Variants in SLC24A3 observed in about 807,000 individuals in gnomAD.
SLC24A3 encodes the protein solute carrier family 24 member 3.
A neutral mutation model predicts 75.8 loss-of-function variants in SLC24A3; 28 were observed. The observed-to-expected ratio is 0.37, with a 90% CI of 0.27 to 0.51. The LOEUF (loss-of-function observed/expected upper bound fraction) is 0.51, where lower values mean the gene tolerates loss of function less well. SLC24A3 is among the 20% of genes least tolerant of loss of function. The pLI, the probability that SLC24A3 is intolerant of heterozygous loss-of-function variation, is 0.94. For missense variants in SLC24A3, 663 were observed against 847.8 expected, an observed-to-expected ratio of 0.78 and a Z score of 2.71; for synonymous variants, 372 against 334.1, an observed-to-expected ratio of 1.11 and a Z score of -1.24.
At chr20:19,481,373 C>T (rs1170263638) in intron 2 of SLC24A3, among the ~76,000 whole-genome samples, 1 of 152,152 alleles carries the variant, frequency 6.6e-6, no homozygotes, top group Non-Finnish European at 1.5e-5. Context: ...GAGGCCACAG[C>T]CACCATCTTA....
rs907572810 is a variant in SLC24A3, at chr20:19,512,119, G to A, written c.272-3369G>A. On this transcript the variant is annotated intron_variant, in intron 2 of 16. Transcript: ENST00000328041. ...GAGAATTTTCACACACTTCCTCATG[G>A]CCAGCTGTGACTGCTGACAAGAGGA... 4.6e-5 allele frequency among the ~76,000 whole-genome samples: 7 copies of A among 152,188 alleles called. No homozygotes were observed. In the South Asian group the frequency reaches 8.3e-4, roughly 18 times the overall value.
At chr20:19,286,813 C>T (rs765598146) in intron 2 of SLC24A3, among the ~76,000 whole-genome samples, 7 of 152,194 alleles carry the variant, frequency 4.6e-5, no homozygotes, top group Admixed American at 1.3e-4. Flanking sequence ...CAAATGTTTC[C>T]GAAATACTAG....
At chr20:19,379,907 A>G (rs1986152885) in intron 2 of SLC24A3, among the ~76,000 whole-genome samples, 1 of 152,210 alleles carries the variant, frequency 6.6e-6, no homozygotes, top group African/African-American at 2.4e-5. Flanking sequence ...TATGACCCAG[A>G]CATAGGCTGG....
chr20:19,382,043 G>GA (rs1474069888), intron 2 of SLC24A3, among the ~76,000 whole-genome samples: 1 of 152,160 alleles, frequency 6.6e-6, no homozygotes, highest in Non-Finnish European at 1.5e-5. Flanking sequence ...CTCTGCCACC[G>GA]GCATCCTTTC....
intron 2 of SLC24A3, among the ~76,000 whole-genome samples, chr20:19,441,607 C>T (rs1169491383): frequency 1.3e-5 from 2 of 152,174 alleles, no homozygotes; most frequent in Non-Finnish European, 2.9e-5. Flanking sequence ...CATCTACCCC[C>T]GTTTTCCCTG....
chr20:19,541,071 A>G (rs1019370527), intron 3 of SLC24A3, among the ~76,000 whole-genome samples: 10 of 152,208 alleles, frequency 6.6e-5, no homozygotes, highest in Non-Finnish European at 1.0e-4. Flanking sequence ...CCATACACAC[A>G]GCTCATGTGT....
chr20:19,677,859 C>G (rs892406492), intron 9 of SLC24A3, among the ~76,000 whole-genome samples: 2 of 151,898 alleles, frequency 1.3e-5, no homozygotes, highest in South Asian at 2.1e-4. Context: ...TGAGGCCTTC[C>G]GCAGTGTTTG....
chr20:19,276,118 G>A (rs921694135), intron 1 of SLC24A3, among the ~76,000 whole-genome samples: 3 of 152,126 alleles, frequency 2.0e-5, no homozygotes, highest in Non-Finnish European at 2.9e-5. Flanking sequence ...TAGCCAGTGT[G>A]GGCGCCTCTC....
chr20:19,227,286 C>A (rs765693534), intron 1 of SLC24A3, among the ~76,000 whole-genome samples: 4 of 152,018 alleles, frequency 2.6e-5, no homozygotes, highest in Admixed American at 2.6e-4. Context: ...TTGCTCATAT[C>A]CAGTCTTCAT....
intron 9 of SLC24A3, among the ~76,000 whole-genome samples, chr20:19,679,478 C>CAGAGGGAGACCGTGGAAAGAGACGG (rs2032581218): frequency 9.4e-6 from 1 of 106,094 alleles, no homozygotes; most frequent in Non-Finnish European, 2.1e-5. Context: ...GGCTCGGCAT[C>CAGAGGGAGACCGTGGAAAGAGACGG]AGAGGGAGAC....
chr20:19,423,457 C>T (rs1339328412), intron 2 of SLC24A3, among the ~76,000 whole-genome samples: 1 of 152,200 alleles, frequency 6.6e-6, no homozygotes, highest in Non-Finnish European at 1.5e-5. Flanking sequence ...AGGATGCTTT[C>T]CTTCCCAAAG....
In SLC24A3 at chr20:19,623,367, G is replaced by C. The variant is rs535228274; in HGVS notation, c.613-30695G>C. Among the ~76,000 whole-genome samples the C allele has an allele frequency of 3.3e-5, 5 of 152,334 alleles. No individual in the cohort carries two copies. The South Asian group carries it at 1.0e-3, about 32-fold the overall frequency. On this transcript the variant is annotated intron_variant, in intron 6 of 16. Coordinates refer to ENST00000328041, the MANE Select transcript of SLC24A3 (RefSeq NM_020689.4). Reference sequence around the variant, plus strand: ...TTTGTGTGCTCACCACCAGCAGCAAGCATGCTCAGCTCTGAAACAGGAGCT... The same window carrying C: ...TTTGTGTGCTCACCACCAGCAGCAACCATGCTCAGCTCTGAAACAGGAGCT...
chr20:19,528,705 A>G (rs554798469), intron 3 of SLC24A3, among the ~76,000 whole-genome samples: 59 of 152,272 alleles, frequency 3.9e-4, no homozygotes, highest in African/African-American at 1.4e-3. Flanking sequence ...TTGTGCACCA[A>G]GGTAGAAGCC....
chr20:19,331,876 G>A (rs768384260), intron 2 of SLC24A3, among the ~76,000 whole-genome samples: 1 of 152,220 alleles, frequency 6.6e-6, no homozygotes, highest in Non-Finnish European at 1.5e-5. Flanking sequence ...GATGGGGGTC[G>A]ATGGGAGGCG....
intron 6 of SLC24A3, among the ~76,000 whole-genome samples, chr20:19,608,496 C>T (rs941098453): frequency 1.3e-5 from 2 of 152,200 alleles, no homozygotes; most frequent in Non-Finnish European, 2.9e-5. Context: ...GGTGTCTTCT[C>T]ATTTAGGACA....
intron 9 of SLC24A3, among the ~76,000 whole-genome samples, chr20:19,681,117 T>C (rs2032610131): frequency 6.6e-6 from 1 of 152,210 alleles, no homozygotes; most frequent in Non-Finnish European, 1.5e-5. Context: ...CTAGGGAGAC[T>C]GTAAAAAACC....
In SLC24A3 at chr20:19,516,407, G is replaced by A. The variant is rs184235022; in HGVS notation, c.348+843G>A. Among the ~76,000 whole-genome samples, 28 of 152,286 alleles carry A rather than the reference G, an allele frequency of 1.8e-4. No individual in the cohort carries two copies. In the East Asian group the frequency reaches 3.3e-3, roughly 18 times the overall value. On this transcript the variant is annotated intron_variant, in intron 3 of 16. Coordinates refer to ENST00000328041, the MANE Select transcript of SLC24A3 (RefSeq NM_020689.4). ...CTTAATTCCATTCTAGTTATTTATCGCTGTGAAGCGAGCTCCCCACATTCA... is the reference window on the plus strand; with the variant it reads ...CTTAATTCCATTCTAGTTATTTATCACTGTGAAGCGAGCTCCCCACATTCA...
chr20:19,565,312 C>T (rs1268953403), intron 3 of SLC24A3, among the ~76,000 whole-genome samples: 1 of 152,128 alleles, frequency 6.6e-6, no homozygotes, highest in East Asian at 1.9e-4. Flanking sequence ...GAATGTTTCA[C>T]CCCTACAACC....
chr20:19,379,187 T>C (rs1392373067), intron 2 of SLC24A3, among the ~76,000 whole-genome samples: 1 of 152,176 alleles, frequency 6.6e-6, no homozygotes, highest in Admixed American at 6.5e-5. Flanking sequence ...CCTGGGCATC[T>C]TGGGTGAGAA....
Sources: gnomAD v4.1 joint callset for allele counts (sites outside exome capture counted in the v4.1 genomes callset) on GRCh38, gnomAD v4.1.1 for gene constraint, MANE v1.5 for transcripts, NCBI Gene and HGNC (gene_info 2026-07-23, HGNC 2026-07-21) for gene names.